The following MYBL1 variants were observed in gnomAD, a reference collection of about 807,000 sequenced individuals.
The protein encoded by MYBL1 is myb-related protein A.
Under a neutral mutation model 96.3 loss-of-function variants are expected in MYBL1, and 17 were observed. The observed-to-expected ratio is 0.18, with a 90% CI of 0.12 to 0.26. MYBL1 has a LOEUF of 0.26. Ranked by LOEUF, MYBL1 falls within the 10% of genes least tolerant of loss-of-function variation. MYBL1 has a pLI of 1.00. For synonymous variants in MYBL1, 282 were observed against 292.7 expected (o/e 0.96, Z 0.37); for missense variants, 701 against 882.9 (o/e 0.79, Z 2.61).
chr8:66,571,719 A>G lies in MYBL1; in HGVS notation c.1728+763T>C, dbSNP rs530892514. On this transcript the variant is annotated intron_variant, in intron 12 of 15. Coordinates refer to ENST00000522677, the MANE Select transcript of MYBL1 (RefSeq NM_001080416.4). ...AACATGGTGAAACCCCATTTCTACT[A>G]AAAATACAAAAATTAGCTGGGCGTG... Among the ~76,000 whole-genome samples the G allele has an allele frequency of 1.8e-3, 279 of 151,918 alleles. 1 individual carries two copies. Among genetic ancestry groups the G allele is most frequent in the African/African-American group, 6.3e-3 (261 of 41,452 alleles).
At chr8:66,604,070 T>C (rs1262216428) in intron 1 of MYBL1, among the ~76,000 whole-genome samples, 1 of 151,766 alleles carries the variant, frequency 6.6e-6, no homozygotes, top group Non-Finnish European at 1.5e-5. Flanking sequence ...TAAAACAGAA[T>C]GGTACTACCA....
At chr8:66,565,827 G>A (rs1808482028) in intron 15 of MYBL1, among the ~76,000 whole-genome samples, 1 of 152,074 alleles carries the variant, frequency 6.6e-6, no homozygotes, top group Non-Finnish European at 1.5e-5. Flanking sequence ...AAGATACAGT[G>A]CTTAGGAAAT....
intron 1 of MYBL1, among the ~76,000 whole-genome samples, chr8:66,606,185 T>C (rs899078401): frequency 6.6e-6 from 1 of 152,204 alleles, no homozygotes; most frequent in South Asian, 2.1e-4. Context: ...CTCTGTAACC[T>C]TGAACATGTT....
intron 9 of MYBL1, among the ~76,000 whole-genome samples, 161 bp from the exon 10 acceptor site, chr8:66,576,536 C>G (rs1437956124): frequency 6.6e-6 from 1 of 151,992 alleles, no homozygotes; most frequent in African/African-American, 2.4e-5. Context: ...TTAAGAGGAA[C>G]AGATTATGGC....
At chr8:66,602,699 CTATATATATATATATATATATA>C (rs67236935) in intron 1 of MYBL1, among the ~76,000 whole-genome samples, 176 bp from the exon 2 acceptor site, 5 of 27,274 alleles carry the variant, frequency 1.8e-4, no homozygotes, top group Middle Eastern at 0.05. Flanking sequence ...TGGGGTGGAG[CTATATATATATATATATATATA>C]TATATATATA....
At chr8:66,607,139 A>C (rs867406605) in intron 1 of MYBL1, among the ~76,000 whole-genome samples, 4,363 of 151,588 alleles carry the variant, frequency 0.029, 206 homozygotes, top group African/African-American at 0.098. Context: ...CAAAAAAAAA[A>C]AAAAAAAAAA....
Position 66,580,330 on chromosome 8 carries a change from G to A in MYBL1, c.904C>T (p.Leu302Phe). 9.3e-6 allele frequency: 15 copies of A among 1,611,522 alleles called. No individual in the cohort carries two copies. The highest frequency in any genetic ancestry group is 1.3e-5 in the Non-Finnish European group (15 of 1,178,048). ...GTATTAGACATGTTATCATCCATGA[G>A]GAAACTACCAGACCAGCTAGAAAAA... is the stretch of plus-strand genomic sequence containing the variant. ...GSFSSWSGSF[L>F]MDDNMSNTLN... The change falls in exon 9 of 16, where the codon CTC becomes TTC. Residue 302 changes from leucine (L) to phenylalanine (F), a missense_variant. Leu to Phe is a conservative substitution (Grantham distance 22). Transcript: ENST00000522677.
At chr8:66,573,801 A>G (rs1387247275) in intron 10 of MYBL1, among the ~76,000 whole-genome samples, 1 of 152,200 alleles carries the variant, frequency 6.6e-6, no homozygotes, top group Non-Finnish European at 1.5e-5. Flanking sequence ...AAAAAACAGT[A>G]TATTATCAAA....
chr8:66,582,541 CAAAAAAA>C (rs34952299), intron 8 of MYBL1, among the ~76,000 whole-genome samples: 12 of 48,260 alleles, frequency 2.5e-4, no homozygotes, highest in South Asian at 1.9e-3. Flanking sequence ...TCCATCTCTA[CAAAAAAA>C]AAAAAAAAAA....
At chr8:66,588,284 T>C (rs1809500328) in intron 8 of MYBL1, among the ~76,000 whole-genome samples, 1 of 150,052 alleles carries the variant, frequency 6.7e-6, no homozygotes, top group African/African-American at 2.5e-5. Context: ...TCTCTTTTTT[T>C]TTTTTTTTTT....
intron 10 of MYBL1, 92 bp downstream of exon 10, chr8:66,575,915 T>A: frequency 7.6e-7 from 1 of 1,314,928 alleles, no homozygotes; most frequent in South Asian, 1.5e-5. Flanking sequence ...TTATATGTTA[T>A]CAAAGCTACC....
intron 1 of MYBL1, among the ~76,000 whole-genome samples, chr8:66,607,894 G>C (rs569492843): frequency 1.5e-4 from 23 of 151,960 alleles, no homozygotes; most frequent in Non-Finnish European, 3.2e-4. Context: ...CTTTTCACAG[G>C]GTCTCTTTCT....
intron 3 of MYBL1, among the ~76,000 whole-genome samples, 171 bp from the exon 4 acceptor site, chr8:66,599,313 T>G (rs1034206686): frequency 6.6e-6 from 1 of 152,234 alleles, no homozygotes; most frequent in African/African-American, 2.4e-5. Flanking sequence ...TTATGTTTTT[T>G]CTTAATTATA....
intron 1 of MYBL1, among the ~76,000 whole-genome samples, chr8:66,606,738 C>A (rs1013908633): frequency 1.3e-5 from 2 of 152,124 alleles, no homozygotes; most frequent in Non-Finnish European, 2.9e-5. Context: ...CTCCCTGAAG[C>A]CATTGTCTAT....
intron 8 of MYBL1, among the ~76,000 whole-genome samples, 183 bp downstream of exon 8, chr8:66,592,257 C>T (rs1391617452): frequency 6.6e-6 from 1 of 151,734 alleles, no homozygotes; most frequent in Non-Finnish European, 1.5e-5. Flanking sequence ...AGAGCAAGAC[C>T]CTGTCTCAAA....
At chr8:66,579,656 TA>T (rs543286673) in intron 9 of MYBL1, among the ~76,000 whole-genome samples, 97 of 139,316 alleles carry the variant, frequency 7.0e-4, no homozygotes, top group Admixed American at 8.7e-4. Flanking sequence ...GATGCCATCT[TA>T]AAAAAAAAAA....
intron 12 of MYBL1, among the ~76,000 whole-genome samples, chr8:66,571,698 T>G (rs1453173149): frequency 6.6e-6 from 1 of 151,646 alleles, no homozygotes; most frequent in Admixed American, 6.6e-5. Context: ...CTGGCCAACA[T>G]GGTGAAACCC....
chr8:66,599,179 G>C, intron 3 of MYBL1, 37 bp from the exon 4 acceptor site: 1 of 1,465,262 alleles, frequency 6.8e-7, no homozygotes, highest in Non-Finnish European at 9.2e-7. Context: ...TTAAACAACT[G>C]TCTTCCAGAA....
rs1033236995 is a variant in MYBL1, at chr8:66,577,762, C to T, written c.1102-1387G>A. Among the ~76,000 whole-genome samples, 80 of 152,284 alleles carry T rather than the reference C, an allele frequency of 5.3e-4. 1 individual carries two copies. Among genetic ancestry groups the T allele is most frequent in the African/African-American group, 1.9e-3 (79 of 41,562 alleles). On this transcript the variant is annotated intron_variant, in intron 9 of 15. Transcript: ENST00000522677. ...TCATATGGAACCAAAAAAGAGCCCA[C>T]ATCACCAAGTCAATCCTAAGCCAAA...
Sources: allele counts gnomAD v4.1 joint callset (sites outside exome capture counted in the v4.1 genomes callset), GRCh38; gene constraint gnomAD v4.1.1; transcripts MANE v1.5; gene names NCBI Gene and HGNC (gene_info 2026-07-23, HGNC 2026-07-21).